Variants in BCAS3 observed in about 807,000 individuals in gnomAD.
BCAS3 encodes BCAS3 microtubule associated cell migration factor, also known as BCAS4/BCAS3 fusion.
Under a neutral mutation model 116.1 loss-of-function variants are expected in BCAS3, and 53 were observed. The observed-to-expected ratio is 0.46, with a 90% CI of 0.37 to 0.57. The LOEUF is 0.57. Among genes scored for constraint, BCAS3 ranks in the 20% least tolerant of loss-of-function variants. The probability of loss-of-function intolerance (pLI) is 0.00; values close to 1 mark genes in which losing one functional copy is unlikely to be tolerated. For synonymous variants in BCAS3, 391 were observed against 408.2 expected, an observed-to-expected ratio of 0.96 and a Z score of 0.51; for missense variants, 917 against 1,165.4, an observed-to-expected ratio of 0.79 and a Z score of 3.10.
intron 22 of BCAS3, among the ~76,000 whole-genome samples, chr17:61,090,466 T>C (rs2073458369): frequency 6.6e-6 from 1 of 152,186 alleles, no homozygotes. Flanking sequence ...TAAGATTGGC[T>C]TTTATATTAG....
chr17:60,817,339 A>G (rs192952674), intron 7 of BCAS3, among the ~76,000 whole-genome samples: 38 of 152,318 alleles, frequency 2.5e-4, no homozygotes, highest in Admixed American at 4.6e-4. Flanking sequence ...ATTGTGTGTT[A>G]TATGCTAAAC....
At chr17:61,234,781 C>G (rs1188686518) in intron 22 of BCAS3, among the ~76,000 whole-genome samples, 293 of 27,212 alleles carry the variant, frequency 0.011, 1 homozygote, top group African/African-American at 0.017. Context: ...AGGCTTTTTC[C>G]AGAAAAAAAA....
intron 22 of BCAS3, among the ~76,000 whole-genome samples, chr17:61,099,543 A>C (rs150497748): frequency 2.2e-3 from 329 of 152,336 alleles, no homozygotes; most frequent in Non-Finnish European, 3.1e-3. Context: ...TCAATTGTGT[A>C]ATCAAGTGAA....
chr17:60,824,382 C>A (rs1045974262), intron 7 of BCAS3, among the ~76,000 whole-genome samples: 1 of 152,228 alleles, frequency 6.6e-6, no homozygotes, highest in Admixed American at 6.5e-5. Context: ...TTTATCACAA[C>A]ATTCCCAAGG....
chr17:60,944,892 C>T (rs1364426336), intron 13 of BCAS3, among the ~76,000 whole-genome samples: 2 of 152,090 alleles, frequency 1.3e-5, no homozygotes, highest in African/African-American at 4.8e-5. Context: ...TAATGTTATA[C>T]TTAAAGATTG....
rs571592022 is a variant in BCAS3 at position 60,981,001 on chromosome 17, T to A, written c.1222-8970T>A. Among the ~76,000 whole-genome samples, 4 of 151,866 alleles carry A rather than the reference T, an allele frequency of 2.6e-5. No homozygotes were observed. The East Asian group carries it at 7.8e-4, about 30-fold the overall frequency. On this transcript the variant is annotated intron_variant, in intron 14 of 23. Transcript: ENST00000407086. ...GGCATGTGCCACCATGCCAGGCTAA[T>A]GTGTTTTTATTTTTTGTAGAGACAG...
intron 22 of BCAS3, among the ~76,000 whole-genome samples, chr17:61,165,360 G>A (rs923602891): frequency 6.6e-6 from 1 of 152,212 alleles, no homozygotes; most frequent in Non-Finnish European, 1.5e-5. Context: ...TATGCACTCT[G>A]AGGACATTTA....
Position 61,193,843 on chromosome 17 carries a change from G to A in BCAS3, c.2425+109279G>A, listed in dbSNP as rs564956162. ...CTTATAAAAAAAGTACAAGCCGGGC[G>A]TGGTGGCTCACACCTGTAATCCCAG... On this transcript the variant is annotated intron_variant, in intron 22 of 23. Coordinates refer to ENST00000407086, the MANE Select transcript of BCAS3 (RefSeq NM_017679.5). Among the ~76,000 whole-genome samples the A allele has an allele frequency of 5.3e-5, 8 of 151,830 alleles. No homozygotes were observed. The South Asian group carries it at 1.5e-3, about 28-fold the overall frequency.
At chr17:60,843,992 G>A (rs370816036) in intron 7 of BCAS3, among the ~76,000 whole-genome samples, 5 of 152,072 alleles carry the variant, frequency 3.3e-5, no homozygotes, top group South Asian at 2.1e-4. Flanking sequence ...TTTTTGAGAC[G>A]GAGTTTCTCT....
At chr17:61,263,917 G>A (rs1253768346) in intron 22 of BCAS3, among the ~76,000 whole-genome samples, 1 of 152,130 alleles carries the variant, frequency 6.6e-6, no homozygotes, top group East Asian at 1.9e-4. Context: ...TTCATTTTAG[G>A]GTAGCAAAAA....
chr17:60,927,338 C>T (rs951045414), intron 13 of BCAS3, among the ~76,000 whole-genome samples: 2 of 152,022 alleles, frequency 1.3e-5, no homozygotes, highest in Admixed American at 1.3e-4. Context: ...TCACTGCAAC[C>T]TCCGCCTCCC....
intron 7 of BCAS3, among the ~76,000 whole-genome samples, chr17:60,856,191 A>G (rs184763891): frequency 5.9e-4 from 90 of 152,324 alleles, no homozygotes; most frequent in Admixed American, 1.9e-3. Context: ...GCAAATGCCT[A>G]TGACTCAATA....
chr17:61,235,444 C>G lies in BCAS3; in HGVS notation c.2426-132883C>G, dbSNP rs927300831. The stretch of plus-strand genomic sequence containing the variant: ...CTCGAGTTGCTTATGCATGAATGTG[C>G]TTGTTTAGCAGGTAGAGTTATTATT... On this transcript the variant is annotated intron_variant, in intron 22 of 23. Coordinates refer to ENST00000407086, the MANE Select transcript of BCAS3 (RefSeq NM_017679.5). This position sits in a 1 kb window ranked among gnomAD's most constrained non-coding sequence, Gnocchi z 5.0. Among the ~76,000 whole-genome samples, 1 of 152,148 alleles carries G rather than the reference C, an allele frequency of 6.6e-6. No individual in the cohort carries two copies. The highest frequency in any genetic ancestry group is 2.4e-5 in the African/African-American group (1 of 41,430).
intron 9 of BCAS3, among the ~76,000 whole-genome samples, chr17:60,888,939 C>G (rs925093315): frequency 2.0e-5 from 3 of 152,086 alleles, no homozygotes; most frequent in African/African-American, 7.2e-5. Context: ...TTCTTTAGTG[C>G]TTTTGAGCAT....
rs142254431 is a variant in BCAS3 at position 60,965,226 on chromosome 17, A to ATTT, written c.1221+17892_1221+17894dup. ...TATCCCATAGGTTTTGGTATATTGA[A>ATTT]TTTTTTTTTTTTTTTTTTTTGAGAT... On this transcript the variant is annotated intron_variant, in intron 14 of 23. Transcript: ENST00000407086. 1.1e-4 allele frequency among the ~76,000 whole-genome samples: 14 copies of ATTT among 131,558 alleles called. 1 individual carries two copies. Among genetic ancestry groups the ATTT allele is most frequent in the Admixed American group, 1.6e-4 (2 of 12,898 alleles). 86.3% of individuals were successfully genotyped at this position (131,558 alleles called of 152,430 possible).
At chr17:60,844,184 G>A (rs1207797397) in intron 7 of BCAS3, among the ~76,000 whole-genome samples, 3 of 152,148 alleles carry the variant, frequency 2.0e-5, no homozygotes, top group Non-Finnish European at 2.9e-5. Context: ...TGCTCAGGCT[G>A]GTCTCGAACT....
chr17:61,391,824 C>A lies in BCAS3; in HGVS notation c.2594-153C>A. 1.3e-6 allele frequency: 1 copy of A among 789,188 alleles called. No homozygotes were observed. The highest frequency in any genetic ancestry group is 1.7e-5 in the South Asian group (1 of 58,484). 48.9% of individuals were successfully genotyped at this position (789,188 alleles called of 1,614,324 possible). On this transcript the variant is annotated intron_variant, in intron 23 of 23. Transcript: ENST00000407086. The surrounding 1 kb of genome is among the most constrained non-coding windows in gnomAD (Gnocchi z 7.7). ...GAGCCTTCCTGTGACCTGAGCTGCC[C>A]CCTGCCCATCCAGGGAGCAGGCGGG...
chr17:60,705,174 T>C (rs1473956473), intron 4 of BCAS3, among the ~76,000 whole-genome samples: 1 of 152,068 alleles, frequency 6.6e-6, no homozygotes, highest in Non-Finnish European at 1.5e-5. Context: ...GGGAAAACTG[T>C]CCAAATGTTT....
chr17:60,874,142 C>G (rs968300908), intron 8 of BCAS3, among the ~76,000 whole-genome samples: 1 of 151,726 alleles, frequency 6.6e-6, no homozygotes. Flanking sequence ...TCGTAGCTCC[C>G]TGCAGTCTTG....
Sources: allele counts gnomAD v4.1 joint callset (sites outside exome capture counted in the v4.1 genomes callset), GRCh38; gene constraint gnomAD v4.1.1; non-coding constraint Gnocchi (gnomAD v3.1); transcripts MANE v1.5; gene names NCBI Gene and HGNC (gene_info 2026-07-23, HGNC 2026-07-21).